The following SEL1L2 variants were observed in gnomAD, a reference collection of about 807,000 sequenced individuals.
SEL1L2 encodes protein sel-1 homolog 2.
Under a neutral mutation model 98.8 loss-of-function variants are expected in SEL1L2, and 89 were observed. The observed-to-expected ratio is 0.90, with a 90% confidence interval of 0.76 to 1.07. The LOEUF is 1.07. Ranked by LOEUF, SEL1L2 falls within the 50% of genes least tolerant of loss-of-function variation. The pLI, the probability that SEL1L2 is intolerant of heterozygous loss-of-function variation, is 0.00. For synonymous variants in SEL1L2, 262 were observed against 278.5 expected, an observed-to-expected ratio of 0.94 and a Z score of 0.59; for missense variants, 788 against 812.0, an observed-to-expected ratio of 0.97 and a Z score of 0.36.
chr20:13,876,084 T>C lies in SEL1L2; in HGVS notation c.1058A>G (p.Gln353Arg), dbSNP rs747661833. The stretch of plus-strand genomic sequence containing the variant: ...GTACTTGAAGGCAGTAGCGTTATTT[T>C]GCGGCACGGCAGCATTCCCCTCTAA... The part of the protein sequence containing the change: ...MYLEGNAAVP[Q>R]NNATAFKYFS... The change falls in exon 12 of 20, where the codon CAA becomes CGA. Residue 353 changes from glutamine to arginine, a missense_variant. Gln to Arg is a conservative substitution (Grantham distance 43). Transcript: ENST00000284951. 1 of 1,614,146 alleles carries C rather than the reference T, an allele frequency of 6.2e-7. No homozygotes were observed. Among genetic ancestry groups the C allele is most frequent in the Non-Finnish European group, 8.5e-7 (1 of 1,179,970 alleles).
intron 5 of SEL1L2, 86 bp from the exon 6 acceptor site, chr20:13,888,598 C>A: frequency 1.8e-6 from 1 of 562,946 alleles, no homozygotes; most frequent in Non-Finnish European, 3.1e-6. Flanking sequence ...TAAATGTCTG[C>A]TTCATAATAA....
intron 2 of SEL1L2, among the ~76,000 whole-genome samples, chr20:13,936,985 T>G (rs2049484644): frequency 6.6e-6 from 1 of 152,248 alleles, no homozygotes; most frequent in Non-Finnish European, 1.5e-5. Flanking sequence ...GTGAGCTTGT[T>G]TCTTACTACT....
At chr20:13,887,016 G>T (rs911923068) in intron 8 of SEL1L2, among the ~76,000 whole-genome samples, 3 of 152,136 alleles carry the variant, frequency 2.0e-5, no homozygotes, top group Non-Finnish European at 2.9e-5. Flanking sequence ...AAGGAAAGGG[G>T]ATATTTTAGG....
At chr20:13,868,497 C>A (rs2046029883) in intron 14 of SEL1L2, among the ~76,000 whole-genome samples, 1 of 152,154 alleles carries the variant, frequency 6.6e-6, no homozygotes, top group African/African-American at 2.4e-5. Context: ...TCTCAACTTC[C>A]TGATCTTCCG....
At chr20:13,939,836 T>G (rs1341980454) in intron 2 of SEL1L2, among the ~76,000 whole-genome samples, 2 of 152,122 alleles carry the variant, frequency 1.3e-5, no homozygotes, top group East Asian at 3.8e-4. Flanking sequence ...CCAGCTAATT[T>G]TTGTGTTTTT....
chr20:13,862,816 T>A (rs970227819), intron 17 of SEL1L2, among the ~76,000 whole-genome samples: 1 of 151,950 alleles, frequency 6.6e-6, no homozygotes, highest in African/African-American at 2.4e-5. Context: ...GCCCCTTGAG[T>A]AGCTAGAACT....
intron 3 of SEL1L2, among the ~76,000 whole-genome samples, chr20:13,930,579 G>A (rs760993034): frequency 1.1e-4 from 17 of 152,208 alleles, no homozygotes; most frequent in South Asian, 2.1e-4. Context: ...TCAACATTTC[G>A]ATGTCATATC....
chr20:13,874,832 C>G (rs1362497745), intron 12 of SEL1L2, among the ~76,000 whole-genome samples: 1 of 152,182 alleles, frequency 6.6e-6, no homozygotes, highest in Non-Finnish European at 1.5e-5. Context: ...GGTTTGAGCA[C>G]ATCTTTACTG....
chr20:13,875,505 G>A (rs958888937), intron 12 of SEL1L2, among the ~76,000 whole-genome samples: 12 of 152,212 alleles, frequency 7.9e-5, no homozygotes, highest in Non-Finnish European at 1.3e-4. Flanking sequence ...TTTTAGGGCT[G>A]CCATTCAAGC....
intron 1 of SEL1L2, among the ~76,000 whole-genome samples, chr20:13,961,266 C>T (rs758514845): frequency 2.0e-5 from 3 of 152,188 alleles, no homozygotes; most frequent in Non-Finnish European, 2.9e-5. Flanking sequence ...TCTGTAATGA[C>T]ATCAACTCCA....
rs1263631788 is a variant in SEL1L2 at position 13,869,526 on chromosome 20, A to T, written c.1232T>A (p.Phe411Tyr). Residue 411 changes from phenylalanine (F) to tyrosine (Y), a missense_variant, in exon 14 of 20, where the codon TTC (phenylalanine) becomes TAC (tyrosine). Coordinates refer to ENST00000284951, the MANE Select transcript of SEL1L2 (RefSeq NM_025229.2). ...ACAGTAGTACATGAAGCCTAACTGGAACTGTGCGTCGGGCCACCCTTTTTC... is the reference window on the plus strand; with the variant it reads ...ACAGTAGTACATGAAGCCTAACTGGTACTGTGCGTCGGGCCACCCTTTTTC... The part of the protein sequence containing the change: ...AAEKGWPDAQ[F>Y]QLGFMYYSGS... 3.1e-6 allele frequency: 5 copies of T among 1,613,956 alleles called. No individual in the cohort carries two copies. Among genetic ancestry groups the T allele is most frequent in the Non-Finnish European group, 4.2e-6 (5 of 1,179,926 alleles).
chr20:13,907,746 C>CTTTCTTTCT (rs1568945160), intron 5 of SEL1L2, among the ~76,000 whole-genome samples: 3 of 83,420 alleles, frequency 3.6e-5, no homozygotes, highest in Admixed American at 1.2e-4. Flanking sequence ...TTCTTTCTTT[C>CTTTCTTTCT]TTTTCTTTTC....
At chr20:13,954,118 G>C (rs1360170548) in intron 2 of SEL1L2, among the ~76,000 whole-genome samples, 2 of 151,494 alleles carry the variant, frequency 1.3e-5, no homozygotes, top group Non-Finnish European at 2.9e-5. Context: ...TTTTTTTTTG[G>C]AAGTTGTAGA....
At position 13,859,822 on chromosome 20, in the gene SEL1L2, C is replaced by A. The variant is rs370498502; in HGVS notation, c.1646-388G>T. 3.3e-5 allele frequency among the ~76,000 whole-genome samples: 5 copies of A among 152,292 alleles called. No homozygotes were observed. The East Asian group carries it at 5.8e-4, about 18-fold the overall frequency. ...TCAAGCGATTCTCCTGCCTCAATCT[C>A]CCAAGTAGCTGGGATTCCAGGCGCC... On this transcript the variant is annotated intron_variant, in intron 17 of 19. Coordinates refer to ENST00000284951, the MANE Select transcript of SEL1L2 (RefSeq NM_025229.2).
intron 2 of SEL1L2, among the ~76,000 whole-genome samples, chr20:13,943,903 A>T (rs566735831): frequency 1.3e-5 from 2 of 152,272 alleles, no homozygotes; most frequent in African/African-American, 4.8e-5. Context: ...GTGGGCTTGC[A>T]AAAAGCACCA....
intron 12 of SEL1L2, among the ~76,000 whole-genome samples, chr20:13,870,687 C>T (rs1476127961): frequency 6.6e-6 from 1 of 152,058 alleles, no homozygotes; most frequent in East Asian, 1.9e-4. Context: ...CTTAGGGAGG[C>T]CAAGGTGGGC....
intron 12 of SEL1L2, among the ~76,000 whole-genome samples, chr20:13,875,464 G>A (rs746360963): frequency 3.3e-4 from 51 of 152,342 alleles, no homozygotes; most frequent in Non-Finnish European, 6.3e-4. Context: ...GAGAGGCTAA[G>A]TAACTTGCCC....
chr20:13,917,786 CTTTTTTTTTTTTTTT>C (rs5840588), intron 4 of SEL1L2, among the ~76,000 whole-genome samples: 9 of 50,102 alleles, frequency 1.8e-4, no homozygotes, highest in East Asian at 8.4e-4. Context: ...TTCTTTCTTT[CTTTTTTTTTTTTTTT>C]TTTTTTTTTT....
chr20:13,950,705 C>T (rs1443432958), intron 2 of SEL1L2, among the ~76,000 whole-genome samples: 1 of 152,100 alleles, frequency 6.6e-6, no homozygotes, highest in East Asian at 1.9e-4. Context: ...ACTGAAATCT[C>T]CAATGTAGAC....
Sources: gnomAD v4.1 joint callset for allele counts (sites outside exome capture counted in the v4.1 genomes callset) on GRCh38, gnomAD v4.1.1 for gene constraint, MANE v1.5 for transcripts, NCBI Gene and HGNC (gene_info 2026-07-23, HGNC 2026-07-21) for gene names.